MAP4: variants seen among roughly 807,000 people sequenced by gnomAD.
MAP4 encodes microtubule-associated protein 4.
Under a neutral mutation model 170.2 loss-of-function variants are expected in MAP4, and 76 were observed. The ratio of observed to expected loss-of-function variants is 0.45; its 90% confidence interval spans 0.37 to 0.54. The LOEUF is 0.54. Ranked by LOEUF, MAP4 falls within the 20% of genes least tolerant of loss-of-function variation. MAP4 has a pLI of 0.00. For missense variants in MAP4, 2,506 were observed against 2,748.0 expected (o/e 0.91, Z 1.97); for synonymous variants, 909 against 994.5 (o/e 0.91, Z 1.62).
chr3:48,060,953 T>A (rs1285958743), intron 1 of MAP4, among the ~76,000 whole-genome samples: 1 of 151,960 alleles, frequency 6.6e-6, no homozygotes, highest in Non-Finnish European at 1.5e-5. Flanking sequence ...CACGCCATTC[T>A]CCTGCCTCAG....
At chr3:47,868,452 C>T (rs993378655) in intron 16 of MAP4, among the ~76,000 whole-genome samples, 9 of 152,194 alleles carry the variant, frequency 5.9e-5, no homozygotes, top group African/African-American at 1.9e-4. Context: ...CCAGAAGCCA[C>T]GGTGCAGCTT....
In MAP4 at chr3:48,029,597, T is replaced by C. The variant is rs143724407; in HGVS notation, c.-19-30718A>G. Among the ~76,000 whole-genome samples, 201 of 152,318 alleles carry C rather than the reference T, an allele frequency of 1.3e-3. 1 individual carries two copies. The highest frequency in any genetic ancestry group is 4.5e-3 in the African/African-American group (189 of 41,562). Reference sequence around the variant, plus strand: ...GAATGCATACTGATTCCTAAGGTAGTAATCTGAACGGTTTAAAATTCCATA... The same window carrying C: ...GAATGCATACTGATTCCTAAGGTAGCAATCTGAACGGTTTAAAATTCCATA... On this transcript the variant is annotated intron_variant, in intron 1 of 18. Transcript: ENST00000360240.
intron 1 of MAP4, among the ~76,000 whole-genome samples, chr3:48,023,230 C>T (rs1305654709): frequency 1.3e-5 from 2 of 152,036 alleles, no homozygotes; most frequent in African/African-American, 2.4e-5. Flanking sequence ...AAGTACTAAT[C>T]CAAACATAAG....
rs965260501 is a variant in MAP4, at chr3:47,851,405, T to C, written c.*1529A>G. The C allele has an allele frequency of 1.3e-5, 2 of 151,926 alleles. No individual in the cohort carries two copies. The highest frequency in any genetic ancestry group is 4.8e-5 in the African/African-American group (2 of 41,328). 9.4% of individuals were successfully genotyped at this position (151,926 alleles called of 1,614,324 possible). A position where few individuals can be genotyped will look rare whatever the true frequency, so the allele number is the denominator to read the frequency against. The stretch of plus-strand genomic sequence containing the variant: ...TAAACTTAGGTCAAGACCCCTACCT[T>C]CTCCAGGGATGCCAGGACCAGAGAA... On this transcript the variant is annotated 3_prime_UTR_variant, in exon 21 of 21. Transcript: ENST00000683076.
chr3:48,001,662 G>T (rs2100099213), intron 1 of MAP4, among the ~76,000 whole-genome samples: 1 of 151,614 alleles, frequency 6.6e-6, no homozygotes, highest in Non-Finnish European at 1.5e-5. Context: ...GCCACACCCA[G>T]CTAATTTTTG....
intron 1 of MAP4, among the ~76,000 whole-genome samples, chr3:48,025,118 C>T (rs1035685799): frequency 6.6e-6 from 1 of 152,172 alleles, no homozygotes; most frequent in East Asian, 1.9e-4. Context: ...TATGATTTGA[C>T]TCTCTTCATG....
chr3:47,983,316 C>T (rs1422464316), intron 2 of MAP4, among the ~76,000 whole-genome samples: 1 of 152,088 alleles, frequency 6.6e-6, no homozygotes, highest in African/African-American at 2.4e-5. Context: ...TCAAATGATC[C>T]TCCTCCCTCA....
chr3:48,024,023 A>T (rs2100111831), intron 1 of MAP4, among the ~76,000 whole-genome samples: 1 of 152,204 alleles, frequency 6.6e-6, no homozygotes, highest in Admixed American at 6.6e-5. Flanking sequence ...TAAAGAATCA[A>T]AAAATGGGCC....
At chr3:47,907,741 G>C (rs2100033907) in intron 9 of MAP4, among the ~76,000 whole-genome samples, 1 of 152,172 alleles carries the variant, frequency 6.6e-6, no homozygotes. Flanking sequence ...AATGGGTCTA[G>C]AAACCAAAAC....
intron 3 of MAP4, chr3:47,974,031 G>A (rs756044893): frequency 2.7e-5 from 27 of 985,364 alleles, no homozygotes; most frequent in Non-Finnish European, 3.3e-5. Context: ...AAGAGGGAAT[G>A]CTTCCTAAAT....
In MAP4 at chr3:48,059,514, C is replaced by CAAAA. The variant is rs762700404; in HGVS notation, c.-20+29255_-20+29258dup. Reference sequence around the variant, plus strand: ...TGGGCAACAGAGCAAGACTCCATCTCAAAAAAAAAAAAAAAAAAAAAAAAA... The same window carrying CAAAA: ...TGGGCAACAGAGCAAGACTCCATCTCAAAAAAAAAAAAAAAAAAAAAAAAAAAAA... On this transcript the variant is annotated intron_variant, in intron 1 of 18. Coordinates refer to the MAP4 transcript ENST00000360240. 3.8e-3 allele frequency among the ~76,000 whole-genome samples: 69 copies of CAAAA among 18,000 alleles called. 10 individuals are homozygous for CAAAA. The highest frequency in any genetic ancestry group is 8.6e-3 in the African/African-American group (65 of 7,534). The allele number at this position is 18,000 out of a possible 152,430, so 11.8% of individuals were successfully genotyped here.
intron 1 of MAP4, among the ~76,000 whole-genome samples, chr3:48,083,999 A>G (rs1319993275): frequency 6.6e-6 from 1 of 152,120 alleles, no homozygotes; most frequent in Admixed American, 6.6e-5. Flanking sequence ...TGCTGGGATT[A>G]CAGGCATGAG....
chr3:47,901,804 T>C (rs1472392219), intron 10 of MAP4, among the ~76,000 whole-genome samples: 2 of 152,184 alleles, frequency 1.3e-5, no homozygotes, highest in Non-Finnish European at 2.9e-5. Flanking sequence ...CCAATGCTAT[T>C]TGTCAACCAG....
At chr3:48,033,646 G>C (rs2100117304) in intron 1 of MAP4, among the ~76,000 whole-genome samples, 1 of 151,974 alleles carries the variant, frequency 6.6e-6, no homozygotes, top group Admixed American at 6.6e-5. Flanking sequence ...TGTCACCCAG[G>C]CTTGAGTGCA....
chr3:47,915,452 G>A (rs558560082), intron 7 of MAP4, among the ~76,000 whole-genome samples: 2 of 152,196 alleles, frequency 1.3e-5, no homozygotes, highest in Non-Finnish European at 2.9e-5. Flanking sequence ...AATAACAAAC[G>A]TTTGTTAAAT....
chr3:47,866,372 A>G (rs1178918081), intron 17 of MAP4, among the ~76,000 whole-genome samples: 1 of 151,688 alleles, frequency 6.6e-6, no homozygotes, highest in Non-Finnish European at 1.5e-5. Context: ...ACAAACAAAC[A>G]AACAAAAAAA....
At chr3:48,066,566 T>C (rs949484356) in intron 1 of MAP4, among the ~76,000 whole-genome samples, 1 of 152,062 alleles carries the variant, frequency 6.6e-6, no homozygotes, top group Admixed American at 6.6e-5. Flanking sequence ...CAATCTCCGC[T>C]CACTGCAACC....
intron 10 of MAP4, among the ~76,000 whole-genome samples, chr3:47,895,523 T>A (rs940292602): frequency 1.3e-5 from 2 of 152,252 alleles, no homozygotes; most frequent in Non-Finnish European, 2.9e-5. Context: ...TGACTGGGCA[T>A]GGCGGACGTT....
At chr3:47,863,718 G>A (rs2072972983) in intron 17 of MAP4, among the ~76,000 whole-genome samples, 1 of 151,718 alleles carries the variant, frequency 6.6e-6, no homozygotes, top group Non-Finnish European at 1.5e-5. Flanking sequence ...ATCTTAACTG[G>A]GACCAGCCAC....
Sources: allele counts gnomAD v4.1 joint callset (sites outside exome capture counted in the v4.1 genomes callset), GRCh38; gene constraint gnomAD v4.1.1; transcripts MANE v1.5; gene names NCBI Gene and HGNC (gene_info 2026-07-23, HGNC 2026-07-21).